NBEA: variants seen among roughly 807,000 people sequenced by gnomAD.
NBEA encodes the protein lysosomal-trafficking regulator 2.
In NBEA, 44 loss-of-function variants were observed where a neutral mutation model predicts 343.4. The ratio of observed to expected loss-of-function variants is 0.13; its 90% CI spans 0.10 to 0.16. NBEA has a LOEUF of 0.16. Among genes scored for constraint, NBEA ranks in the 10% least tolerant of loss-of-function variants. NBEA has a pLI of 1.00. For synonymous variants in NBEA, 1,175 were observed against 1,238.7 expected, an observed-to-expected ratio of 0.95 and a Z score of 1.08; for missense variants, 2,555 against 3,631.3, an observed-to-expected ratio of 0.70 and a Z score of 7.62.
chr13:35,403,763 A>G (rs1380585949), intron 38 of NBEA, among the ~76,000 whole-genome samples: 1 of 152,054 alleles, frequency 6.6e-6, no homozygotes. Context: ...ATGGGATCTA[A>G]TTAAACTAAA....
intron 40 of NBEA, among the ~76,000 whole-genome samples, chr13:35,455,330 A>G (rs1001392022): frequency 6.6e-6 from 1 of 151,978 alleles, no homozygotes; most frequent in Non-Finnish European, 1.5e-5. Context: ...ACTTAGAGAA[A>G]GTACTAATTT....
intron 1 of NBEA, among the ~76,000 whole-genome samples, chr13:35,000,234 G>A (rs541108759): frequency 6.2e-4 from 94 of 152,194 alleles, no homozygotes; most frequent in Non-Finnish European, 1.2e-3. Flanking sequence ...AATGAACCAG[G>A]AGAAAATAAT....
intron 41 of NBEA, among the ~76,000 whole-genome samples, chr13:35,502,162 T>C (rs1339723514): frequency 6.6e-6 from 1 of 152,042 alleles, no homozygotes; most frequent in Non-Finnish European, 1.5e-5. Flanking sequence ...GGGAATGTGA[T>C]CTGGTCAGCA....
intron 1 of NBEA, among the ~76,000 whole-genome samples, chr13:34,975,292 G>A (rs1180850464): frequency 6.6e-6 from 1 of 152,096 alleles, no homozygotes; most frequent in African/African-American, 2.4e-5. Context: ...ACAGAATAGA[G>A]AACCCAGAAA....
Position 35,452,175 on chromosome 13 carries a change from C to T in NBEA, c.6388C>T (p.Leu2130=), listed in dbSNP as rs766022392. The change falls in exon 40 of 59, where the codon CTG becomes TTG. Residue 2130 remains leucine (L), a synonymous_variant. Transcript: ENST00000379939. ...CCAAAATGCAGAGACAGAACTTATG[C>T]TGGAAGGAGACGATGATGCAGTCAG... ...VNQNAETELM[L]EGDDDAVSLL... 2.5e-6 allele frequency: 4 copies of T among 1,607,764 alleles called. No individual in the cohort carries two copies. The highest frequency in any genetic ancestry group is 3.4e-6 in the Non-Finnish European group (4 of 1,176,306).
intron 41 of NBEA, among the ~76,000 whole-genome samples, chr13:35,544,816 A>C (rs2078994148): frequency 6.6e-6 from 1 of 152,174 alleles, no homozygotes; most frequent in Non-Finnish European, 1.5e-5. Flanking sequence ...AAGATGCTTT[A>C]ATATTCTTGC....
At chr13:35,276,466 G>A (rs540435623) in intron 34 of NBEA, among the ~76,000 whole-genome samples, 76 of 152,142 alleles carry the variant, frequency 5.0e-4, no homozygotes, top group African/African-American at 1.8e-3. Flanking sequence ...GGTTTGGAGG[G>A]CATACATGTA....
At chr13:35,080,504 G>A (rs1411044994) in intron 10 of NBEA, among the ~76,000 whole-genome samples, 3 of 152,118 alleles carry the variant, frequency 2.0e-5, no homozygotes, top group Non-Finnish European at 4.4e-5. Flanking sequence ...TTATCAGAAA[G>A]TCCAAGCTGA....
chr13:35,539,587 T>TA (rs2078714119), intron 41 of NBEA, among the ~76,000 whole-genome samples: 1 of 152,048 alleles, frequency 6.6e-6, no homozygotes, highest in Non-Finnish European at 1.5e-5. Flanking sequence ...TGCAAATTTT[T>TA]AAAAAATGTT....
At chr13:35,242,518 C>T (rs185956431) in intron 34 of NBEA, among the ~76,000 whole-genome samples, 1 of 151,938 alleles carries the variant, frequency 6.6e-6, no homozygotes, top group East Asian at 1.9e-4. Flanking sequence ...AAAAACTTCT[C>T]AAATTTTAGG....
intron 38 of NBEA, among the ~76,000 whole-genome samples, chr13:35,384,890 T>C (rs1308016235): frequency 6.6e-6 from 1 of 152,156 alleles, no homozygotes; most frequent in Non-Finnish European, 1.5e-5. Flanking sequence ...TCTGGAAAGA[T>C]TATGATATTG....
At chr13:35,134,909 A>G (rs1490274343) in intron 17 of NBEA, among the ~76,000 whole-genome samples, 3 of 152,006 alleles carry the variant, frequency 2.0e-5, no homozygotes, top group African/African-American at 7.2e-5. Flanking sequence ...AGATTATAAT[A>G]ATTATAAGAA....
intron 16 of NBEA, among the ~76,000 whole-genome samples, chr13:35,118,729 A>AT (rs202004123): frequency 1.3e-4 from 20 of 151,384 alleles, no homozygotes; most frequent in South Asian, 6.3e-4. Flanking sequence ...TGAATAGAGC[A>AT]TTTTTTTTTC....
At chr13:35,068,901 A>T (rs963718217) in intron 8 of NBEA, among the ~76,000 whole-genome samples, 1 of 152,152 alleles carries the variant, frequency 6.6e-6, no homozygotes, top group East Asian at 1.9e-4. Context: ...AATCTTCTCT[A>T]GTTTGAGGAA....
At chr13:35,192,734 A>G (rs2072290164) in intron 30 of NBEA, among the ~76,000 whole-genome samples, 1 of 151,968 alleles carries the variant, frequency 6.6e-6, no homozygotes, top group Admixed American at 6.6e-5. Flanking sequence ...GCAGAAAAGC[A>G]AAATATTATG....
At chr13:35,030,573 G>C (rs571070182) in intron 1 of NBEA, among the ~76,000 whole-genome samples, 36 of 151,630 alleles carry the variant, frequency 2.4e-4, no homozygotes, top group Admixed American at 2.4e-3. Context: ...AGGATCGTTA[G>C]AGAATTGTTT....
intron 36 of NBEA, among the ~76,000 whole-genome samples, chr13:35,310,248 T>C (rs111296122): frequency 9.9e-5 from 15 of 151,710 alleles, no homozygotes; most frequent in African/African-American, 3.4e-4. Flanking sequence ...AGGCTCTGTA[T>C]GCTATATCTA....
intron 47 of NBEA, among the ~76,000 whole-genome samples, chr13:35,604,845 C>T (rs975125683): frequency 8.6e-5 from 13 of 152,038 alleles, no homozygotes; most frequent in Non-Finnish European, 1.5e-4. Context: ...AGCCATGCTC[C>T]AACTCCAATG....
chr13:35,525,411 G>A (rs2152995006), intron 41 of NBEA, among the ~76,000 whole-genome samples: 1 of 152,242 alleles, frequency 6.6e-6, no homozygotes. Context: ...AAATTAGCCA[G>A]TCGTGGTGGC....
Sources: allele counts gnomAD v4.1 joint callset (sites outside exome capture counted in the v4.1 genomes callset), GRCh38; gene constraint gnomAD v4.1.1; transcripts MANE v1.5; gene names NCBI Gene and HGNC (gene_info 2026-07-23, HGNC 2026-07-21).